The following MCM3 variants were observed in gnomAD, a reference collection of about 807,000 sequenced individuals.
MCM3 encodes DNA replication licensing factor MCM3.
In MCM3, 59 loss-of-function variants were observed where a neutral mutation model predicts 91.3. That is an observed-to-expected ratio of 0.65 (90% CI 0.52 to 0.80). The LOEUF (loss-of-function observed/expected upper bound fraction) is 0.80. MCM3 is among the 30% of genes least tolerant of loss of function. The pLI, the probability that MCM3 is intolerant of heterozygous loss-of-function variation, is 0.00. For synonymous variants in MCM3, 383 were observed against 379.6 expected (o/e 1.01, Z -0.10); for missense variants, 919 against 1,035.4 (o/e 0.89, Z 1.54).
Position 52,266,638 on chromosome 6 carries a change from T to C in MCM3, c.2131A>G (p.Ser711Gly), listed in dbSNP as rs1229539887. 1 of 1,614,140 alleles carries C rather than the reference T, an allele frequency of 6.2e-7. No homozygotes were observed. Among genetic ancestry groups the C allele is most frequent in the Non-Finnish European group, 8.5e-7 (1 of 1,180,000 alleles). ...DGDSYDPYDF[S>G]DTEEEMPQVH... The stretch of plus-strand genomic sequence containing the variant: ...TGAGGCATTTCCTCCTCTGTGTCAC[T>C]GAAGTCATAGGGGTCGTATGAATCC... Residue 711 changes from serine (S) to glycine (G), a missense_variant, in exon 15 of 17, where the codon AGT becomes GGT. Coordinates refer to ENST00000596288, the MANE Select transcript of MCM3 (RefSeq NM_002388.6).
chr6:52,273,614 A>AAAAGAATCAGACAC, intron 10 of MCM3, 128 bp downstream of exon 10: 1 of 990,440 alleles, frequency 1.0e-6, no homozygotes, highest in Non-Finnish European at 1.5e-6. Flanking sequence ...GAGGTGGCTA[A>AAAAGAATCAGACAC]ACAGTTGAGG....
intron 2 of MCM3, 92 bp downstream of exon 2, chr6:52,283,202 A>T: frequency 1.9e-6 from 2 of 1,049,158 alleles, no homozygotes; most frequent in Non-Finnish European, 3.0e-6. Flanking sequence ...ATCCTGTTTC[A>T]TACAAGTCCT....
intron 2 of MCM3, 62 bp from the exon 3 acceptor site, chr6:52,282,923 A>C: frequency 8.7e-7 from 1 of 1,152,430 alleles, no homozygotes; most frequent in Non-Finnish European, 1.3e-6. Context: ...TGGATCCTCA[A>C]AACAGCAGAC....
chr6:52,279,619 G>A lies in MCM3; in HGVS notation c.532-20C>T. 6.4e-7 allele frequency: 1 copy of A among 1,564,574 alleles called. No individual in the cohort carries two copies. ...CTCATCCTAGAAAAAGGCACACAGA[G>A]GGACAGAGTGATCTCCGTCCTGTCT... is the stretch of plus-strand genomic sequence containing the variant. On this transcript the variant is annotated intron_variant, in intron 4 of 16. Coordinates refer to ENST00000596288, the MANE Select transcript of MCM3 (RefSeq NM_002388.6).
intron 12 of MCM3, among the ~76,000 whole-genome samples, chr6:52,270,067 T>G (rs1316750396): frequency 6.6e-6 from 1 of 152,194 alleles, no homozygotes; most frequent in Non-Finnish European, 1.5e-5. Context: ...GGCTCACATC[T>G]GTAATCCTAG....
intron 6 of MCM3, among the ~76,000 whole-genome samples, chr6:52,278,062 C>T (rs778805079): frequency 9.4e-4 from 109 of 116,080 alleles, no homozygotes; most frequent in Non-Finnish European, 6.7e-4. Flanking sequence ...AGCAAGATTC[C>T]GTCTCACCAA....
Position 52,284,736 on chromosome 6 carries a change from C to T in MCM3, c.-62G>A, listed in dbSNP as rs1766501877. 2.6e-6 allele frequency: 4 copies of T among 1,554,684 alleles called. No homozygotes were observed. Among genetic ancestry groups the T allele is most frequent in the African/African-American group, 1.4e-5 (1 of 73,028 alleles). On this transcript the variant is annotated 5_prime_UTR_variant, in exon 1 of 17. Coordinates refer to ENST00000596288, the MANE Select transcript of MCM3 (RefSeq NM_002388.6). ...TGGAGGTTCCCAGGATGACTCCACC[C>T]CGGCGCGAAAACTTCCGAACTCTTC...
At position 52,264,047 on chromosome 6, in the gene MCM3, A is replaced by T. The variant is rs1344101048; in HGVS notation, c.*541T>A. The T allele has an allele frequency of 1.3e-5, 2 of 157,932 alleles. No homozygotes were observed. Among genetic ancestry groups the T allele is most frequent in the Non-Finnish European group, 2.8e-5 (2 of 71,366 alleles). 9.8% of individuals were successfully genotyped at this position (157,932 alleles called of 1,614,324 possible). A position where few individuals can be genotyped will look rare whatever the true frequency, so the allele number is the denominator to read the frequency against. Reference sequence around the variant, plus strand: ...TACGAAATGGCTAAGTTTATTCAACATCTCGGATATTCATCTGGATATTGG... The same window carrying T: ...TACGAAATGGCTAAGTTTATTCAACTTCTCGGATATTCATCTGGATATTGG... On this transcript the variant is annotated 3_prime_UTR_variant, in exon 17 of 17. Coordinates refer to ENST00000596288, the MANE Select transcript of MCM3 (RefSeq NM_002388.6).
chr6:52,276,570 T>TGCAAAG, intron 8 of MCM3, 94 bp from the exon 9 acceptor site: 1 of 1,103,958 alleles, frequency 9.1e-7, no homozygotes, highest in Non-Finnish European at 1.3e-6. Flanking sequence ...ATCTCTCACT[T>TGCAAAG]TGCACGTGAG....
At chr6:52,282,309 C>A (rs1766176097) in intron 3 of MCM3, 134 bp from the exon 4 acceptor site, 2 of 767,266 alleles carry the variant, frequency 2.6e-6, no homozygotes, top group Non-Finnish European at 4.3e-6. Context: ...TCAATATTAC[C>A]TTTTATTCAC....
rs758093894 is a variant in MCM3 at position 52,277,636 on chromosome 6, T to C, written c.932A>G (p.Asp311Gly). 1.9e-6 allele frequency: 3 copies of C among 1,613,904 alleles called. No individual in the cohort carries two copies. Among genetic ancestry groups the C allele is most frequent in the East Asian group, 4.5e-5 (2 of 44,876 alleles). Residue 311 changes from aspartate to glycine, a missense_variant, in exon 7 of 17, where the codon GAC becomes GGC. Asp to Gly is a moderately conservative substitution (Grantham distance 94). Coordinates refer to ENST00000596288, the MANE Select transcript of MCM3 (RefSeq NM_002388.6). ...KSLAPSIHGH[D>G]YVKKAILCLL... ...GCAGAGGATTGCTTTCTTGACATAG[T>C]CATGCCCATGGATACTTGGGGCCAA...
intron 7 of MCM3, 95 bp from the exon 8 acceptor site, chr6:52,277,293 A>G (rs1031600320): frequency 7.3e-7 from 1 of 1,370,620 alleles, no homozygotes; most frequent in African/African-American, 1.5e-5. Flanking sequence ...CAACAGAGTC[A>G]CACAGTAAGT....
chr6:52,276,166 G>A, intron 9 of MCM3, 102 bp downstream of exon 9: 3 of 1,051,718 alleles, frequency 2.9e-6, no homozygotes, highest in Non-Finnish European at 4.2e-6. Flanking sequence ...TTAGTCTTTG[G>A]CCTATTATTC....
rs1286923674 is a variant in MCM3 at position 52,272,393 on chromosome 6, T to C, written c.1735A>G (p.Lys579Glu). 8.7e-6 allele frequency: 14 copies of C among 1,614,164 alleles called. No homozygotes were observed. The highest frequency in any genetic ancestry group is 1.2e-5 in the Non-Finnish European group (14 of 1,180,030). ...GCCGACTCCTGTGTCAGGACAGGCT[T>C]GATGATTTTGGCCACATGGATGTAC... The part of the protein sequence containing the change: ...KKYIHVAKII[K>E]PVLTQESATY... Residue 579 changes from lysine (K) to glutamate (E), a missense_variant, in exon 12 of 17, where the codon AAG becomes GAG. By Grantham distance (56) the Lys-to-Glu change is moderately conservative. Coordinates refer to ENST00000596288, the MANE Select transcript of MCM3 (RefSeq NM_002388.6).
Position 52,277,522 on chromosome 6 carries a change from C to G in MCM3, c.1033+13G>C. On this transcript the variant is annotated intron_variant, in intron 7 of 16. Coordinates refer to ENST00000596288, the MANE Select transcript of MCM3 (RefSeq NM_002388.6). ...TCAGAACAACAGTCTAAAGCAAATC[C>G]CCAACATCGTACCTATTAGAAGAAT... is the stretch of plus-strand genomic sequence containing the variant. The G allele has an allele frequency of 6.2e-7, 1 of 1,606,934 alleles. No homozygotes were observed. The highest frequency in any genetic ancestry group is 8.5e-7 in the Non-Finnish European group (1 of 1,176,416).
At chr6:52,270,926 A>G (rs1765079541) in intron 12 of MCM3, among the ~76,000 whole-genome samples, 1 of 152,188 alleles carries the variant, frequency 6.6e-6, no homozygotes, top group Non-Finnish European at 1.5e-5. Flanking sequence ...CACTGGGGGT[A>G]TTAAGAAGTC....
At chr6:52,277,249 A>G in intron 7 of MCM3, 51 bp from the exon 8 acceptor site, 1 of 1,584,222 alleles carries the variant, frequency 6.3e-7, no homozygotes, top group Non-Finnish European at 8.6e-7. Context: ...CAGCACCCCC[A>G]GCAAATTCTG....
At chr6:52,268,813 G>A (rs1030293076) in intron 13 of MCM3, among the ~76,000 whole-genome samples, 1 of 152,092 alleles carries the variant, frequency 6.6e-6, no homozygotes, top group African/African-American at 2.4e-5. Context: ...CAGAGAAGCA[G>A]CTAACTGAAA....
Position 52,277,597 on chromosome 6 carries a change from C to A in MCM3, c.971G>T (p.Gly324Val). The A allele has an allele frequency of 1.9e-6, 3 of 1,614,016 alleles. No individual in the cohort carries two copies. The highest frequency in any genetic ancestry group is 2.5e-6 in the Non-Finnish European group (3 of 1,179,990). ...GCCATTTTCTAGGTCTCGTTCCACC[C>A]CTCCCAAGAGCAAGCAGAGGATTGC... ...KKAILCLLLGGVERDLENGSH... is the reference protein window; with the variant it reads ...KKAILCLLLGVVERDLENGSH... Residue 324 changes from glycine (G) to valine (V), a missense_variant, in exon 7 of 17, where the codon GGG (glycine) becomes GTG (valine). Physicochemically the swap from Gly to Val is moderately radical, Grantham distance 109. Transcript: ENST00000596288.
Sources: allele counts gnomAD v4.1 joint callset (sites outside exome capture counted in the v4.1 genomes callset), GRCh38; gene constraint gnomAD v4.1.1; transcripts MANE v1.5; gene names NCBI Gene and HGNC (gene_info 2026-07-23, HGNC 2026-07-21).